The following RGS3 variants were observed in gnomAD, a reference collection of about 807,000 sequenced individuals.
RGS3 encodes the protein regulator of G-protein signalling 3.
In RGS3, 80 loss-of-function variants were observed where a neutral mutation model predicts 132.6. The observed-to-expected ratio is 0.60, with a 90% CI of 0.50 to 0.73. The LOEUF (loss-of-function observed/expected upper bound fraction) is 0.73. Ranked by LOEUF, RGS3 falls within the 30% of genes least tolerant of loss-of-function variation. The pLI is 0.00. For missense variants in RGS3, 1,382 were observed against 1,530.8 expected (o/e 0.90, Z 1.62); for synonymous variants, 598 against 620.6 (o/e 0.96, Z 0.54).
At chr9:113,457,728 A>G (rs932622249), upstream of RGS3, among the ~76,000 whole-genome samples, 42 of 152,318 alleles carry the variant, frequency 2.8e-4, 1 homozygote, top group African/African-American at 9.4e-4. Context: ...TAGTTGCTTC[A>G]TATATAAATA....
chr9:113,528,087 G>A (rs1042818980), intron 17 of RGS3, among the ~76,000 whole-genome samples: 5 of 152,186 alleles, frequency 3.3e-5, no homozygotes, highest in African/African-American at 1.2e-4. Flanking sequence ...TCTTCCAGGG[G>A]TTGTTGTGAG....
At chr9:113,528,873 C>T (rs1832336817) in intron 17 of RGS3, among the ~76,000 whole-genome samples, 1 of 152,222 alleles carries the variant, frequency 6.6e-6, no homozygotes, top group Admixed American at 6.5e-5. Context: ...CTCCAGGTCT[C>T]TCACTGCAGA....
At chr9:113,523,099 C>G (rs568066921) in intron 17 of RGS3, 58 bp downstream of exon 15, 3 of 1,106,610 alleles carry the variant, frequency 2.7e-6, no homozygotes, top group South Asian at 1.2e-5. Context: ...TCCCACTGCT[C>G]TGGGCAGCCC....
chr9:113,496,990 T>C (rs1211307597), intron 8 of RGS3, among the ~76,000 whole-genome samples: 1 of 152,202 alleles, frequency 6.6e-6, no homozygotes, highest in Non-Finnish European at 1.5e-5. Flanking sequence ...TCAACAAATA[T>C]GGCTCCTACT....
chr9:113,516,033 T>G (rs1564515193), intron 15 of RGS3, among the ~76,000 whole-genome samples: 2 of 152,266 alleles, frequency 1.3e-5, no homozygotes, highest in Admixed American at 6.5e-5. Flanking sequence ...TCATAAACAT[T>G]TTAAAGGCTC....
At position 113,569,639 on chromosome 9, in the gene RGS3, T is replaced by TTCCTTCCC. The variant is rs1554780251; in HGVS notation, c.2038-13808_2038-13807insTTCCCTCC. 1.8e-4 allele frequency among the ~76,000 whole-genome samples: 26 copies of TTCCTTCCC among 146,542 alleles called. No individual in the cohort carries two copies. The East Asian group carries it at 5.1e-3, about 29-fold the overall frequency. ...CTTCCTTCCTTCCTTCCTTCCTTCC[T>TTCCTTCCC]TCCCTCCTTCCTTCCATGTGTGTTA... On this transcript the variant is annotated intron_variant, in intron 19 of 24. Transcript: ENST00000350696.
At chr9:113,540,686 T>A (rs1255611370) in intron 19 of RGS3, among the ~76,000 whole-genome samples, 2 of 152,242 alleles carry the variant, frequency 1.3e-5, no homozygotes, top group Non-Finnish European at 2.9e-5. Flanking sequence ...GGGCAGGTCC[T>A]GTGCTCCACG....
intron 19 of RGS3, among the ~76,000 whole-genome samples, chr9:113,555,105 A>G (rs1044268559): frequency 6.6e-6 from 1 of 152,140 alleles, no homozygotes; most frequent in Non-Finnish European, 1.5e-5. Context: ...AAATTTCCAC[A>G]TATGGATGGT....
chr9:113,585,697 G>A (rs574397735), intron 20 of RGS3, among the ~76,000 whole-genome samples: 1 of 152,356 alleles, frequency 6.6e-6, no homozygotes, highest in African/African-American at 2.4e-5. Flanking sequence ...GCAGATGCCT[G>A]GCACAGGTGC....
chr9:113,483,693 A>C (rs1478928029), intron 5 of RGS3, among the ~76,000 whole-genome samples: 1 of 152,136 alleles, frequency 6.6e-6, no homozygotes, highest in African/African-American at 2.4e-5. Flanking sequence ...GCTGGCAAGG[A>C]ATTTATCAGG....
intron 16 of RGS3, chr9:113,522,711 G>A (rs1221604737): frequency 3.6e-6 from 2 of 559,742 alleles, no homozygotes; most frequent in East Asian, 3.0e-5. Flanking sequence ...TTTGAGGAGT[G>A]GAAGTATAGG....
intron 18 of RGS3, among the ~76,000 whole-genome samples, chr9:113,534,781 T>C (rs1364256542): frequency 6.6e-6 from 1 of 152,060 alleles, no homozygotes; most frequent in Non-Finnish European, 1.5e-5. Flanking sequence ...CCAATTAATT[T>C]TTTTTTAAAA....
intron 22 of RGS3, 97 bp downstream of exon 20, chr9:113,594,628 G>A (rs1835659912): frequency 2.0e-6 from 2 of 1,001,374 alleles, no homozygotes; most frequent in Admixed American, 2.3e-5. Flanking sequence ...GGGCTTGCCG[G>A]CTTGATCCAG....
At position 113,537,015 on chromosome 9, in the gene RGS3, G is replaced by A. The variant is rs754128537; in HGVS notation, c.2037+97G>A. 8.2e-7 allele frequency: 1 copy of A among 1,225,310 alleles called. No homozygotes were observed. Among genetic ancestry groups the A allele is most frequent in the East Asian group, 2.5e-5 (1 of 40,604 alleles). 75.9% of individuals were successfully genotyped at this position (1,225,310 alleles called of 1,614,324 possible). On this transcript the variant is annotated intron_variant, in intron 19 of 24. Coordinates refer to ENST00000350696, the Ensembl canonical transcript of RGS3. The surrounding 1 kb of genome is among the most constrained non-coding windows in gnomAD (Gnocchi z 4.3). ...TGCATTGAGCTGGGGGCCAGCCTGA[G>A]CTTCCAACTTGGCTCTGGGCAATGA...
chr9:113,559,745 A>T (rs556144908), intron 19 of RGS3, among the ~76,000 whole-genome samples: 1 of 152,196 alleles, frequency 6.6e-6, no homozygotes, highest in Non-Finnish European at 1.5e-5. Flanking sequence ...GCTGGGCATG[A>T]TGAGAATAGC....
At chr9:113,527,220 T>A (rs1170390400) in intron 17 of RGS3, among the ~76,000 whole-genome samples, 1 of 152,140 alleles carries the variant, frequency 6.6e-6, no homozygotes, top group African/African-American at 2.4e-5. Flanking sequence ...CAGGGAGTGT[T>A]CCCCCAACCT....
intron 20 of RGS3, among the ~76,000 whole-genome samples, chr9:113,590,422 A>G (rs933430216): frequency 2.9e-3 from 258 of 88,336 alleles, no homozygotes; most frequent in Non-Finnish European, 4.0e-3. Context: ...CCACCCATCC[A>G]TCTATTCACC....
At chr9:113,471,507 G>A (rs1829830823) in intron 3 of RGS3, among the ~76,000 whole-genome samples, 1 of 152,098 alleles carries the variant, frequency 6.6e-6, no homozygotes, top group African/African-American at 2.4e-5. Flanking sequence ...GTTTTCCTCA[G>A]TGGATCTGTC....
intron 19 of RGS3, among the ~76,000 whole-genome samples, chr9:113,569,168 T>A (rs1834147465): frequency 6.6e-6 from 1 of 152,198 alleles, no homozygotes; most frequent in South Asian, 2.1e-4. Flanking sequence ...GGGGGGTGTG[T>A]ATTTGGAACT....
Sources: gnomAD v4.1 joint callset for allele counts (sites outside exome capture counted in the v4.1 genomes callset) on GRCh38, gnomAD v4.1.1 for gene constraint, Gnocchi (gnomAD v3.1) non-coding constraint, MANE v1.5 for transcripts, NCBI Gene and HGNC (gene_info 2026-07-23, HGNC 2026-07-21) for gene names.